Variants in TBC1D5 observed in about 807,000 individuals in gnomAD.
TBC1D5 encodes TBC1 domain family, member 5.
TBC1D5 carries 75 observed loss-of-function variants against 100.3 expected under a neutral mutation model. The ratio of observed to expected loss-of-function variants is 0.75; its 90% confidence interval spans 0.62 to 0.91. The LOEUF is 0.91. Ranked by LOEUF, TBC1D5 falls within the 40% of genes least tolerant of loss-of-function variation. The pLI, the probability that TBC1D5 is intolerant of heterozygous loss-of-function variation, is 0.00. For missense variants in TBC1D5, 910 were observed against 942.4 expected, an observed-to-expected ratio of 0.97 and a Z score of 0.45; for synonymous variants, 323 against 325.6, an observed-to-expected ratio of 0.99 and a Z score of 0.09.
chr3:17,734,161 CTAAG>C (rs1357146626), intron 1 of TBC1D5, among the ~76,000 whole-genome samples: 2 of 152,238 alleles, frequency 1.3e-5, no homozygotes, highest in Middle Eastern at 3.4e-3. Context: ...TGAAAGAAAT[CTAAG>C]TATCTAAAGA....
chr3:17,218,349 A>G (rs931180955), intron 17 of TBC1D5, among the ~76,000 whole-genome samples: 3 of 151,976 alleles, frequency 2.0e-5, no homozygotes, highest in African/African-American at 7.2e-5. Flanking sequence ...TCACTTTGCC[A>G]TTTTCTCCAA....
chr3:17,387,382 C>A (rs1409132081), intron 8 of TBC1D5, among the ~76,000 whole-genome samples: 1 of 118,458 alleles, frequency 8.4e-6, no homozygotes, highest in Non-Finnish European at 1.8e-5. Context: ...CTGAGAAATG[C>A]ATTTAGGTAA....
chr3:17,308,720 T>C (rs2083663170), intron 13 of TBC1D5, among the ~76,000 whole-genome samples: 1 of 152,194 alleles, frequency 6.6e-6, no homozygotes, highest in African/African-American at 2.4e-5. Flanking sequence ...ACTTATTTTT[T>C]TTAGCTTTGC....
intron 2 of TBC1D5, among the ~76,000 whole-genome samples, chr3:17,615,183 C>T (rs1412223902): frequency 6.6e-6 from 1 of 152,082 alleles, no homozygotes; most frequent in Non-Finnish European, 1.5e-5. Context: ...TGATGAATTA[C>T]TTTTATTGAC....
At chr3:17,217,084 T>C (rs999677394) in intron 17 of TBC1D5, among the ~76,000 whole-genome samples, 2 of 152,258 alleles carry the variant, frequency 1.3e-5, no homozygotes, top group East Asian at 3.9e-4. Flanking sequence ...TCTGGCTCTA[T>C]GAATTTGCCT....
At chr3:17,705,472 G>A (rs2073996593) in intron 1 of TBC1D5, among the ~76,000 whole-genome samples, 3 of 148,942 alleles carry the variant, frequency 2.0e-5, no homozygotes, top group South Asian at 4.4e-4. Context: ...TCGGGCGGAG[G>A]GGCTCCTCAC....
intron 4 of TBC1D5, among the ~76,000 whole-genome samples, chr3:17,411,944 C>A (rs539629658): frequency 6.6e-6 from 1 of 152,218 alleles, no homozygotes; most frequent in East Asian, 1.9e-4. Flanking sequence ...GCATAAAGGC[C>A]ACATAATAAT....
chr3:17,158,388 A>C (rs2065767466), exon 22 of TBC1D5: 1 of 152,236 alleles, frequency 6.6e-6, no homozygotes, highest in South Asian at 2.1e-4. Flanking sequence ...ATTAAACATA[A>C]GTATCTGATA....
chr3:17,242,086 T>G (rs192348006), intron 16 of TBC1D5, among the ~76,000 whole-genome samples: 247 of 152,320 alleles, frequency 1.6e-3, no homozygotes, highest in Non-Finnish European at 2.9e-3. Flanking sequence ...TCCTAGATTT[T>G]TATTGCCCAC....
chr3:17,405,821 A>G (rs2093756289), intron 5 of TBC1D5, among the ~76,000 whole-genome samples: 1 of 152,106 alleles, frequency 6.6e-6, no homozygotes, highest in Non-Finnish European at 1.5e-5. Context: ...TCTAGAAATG[A>G]GTCTAAACCT....
intron 8 of TBC1D5, among the ~76,000 whole-genome samples, chr3:17,391,359 G>A (rs2093345774): frequency 6.6e-6 from 1 of 151,984 alleles, no homozygotes; most frequent in Non-Finnish European, 1.5e-5. Flanking sequence ...GCCATCAAAC[G>A]TTTGCAGCTC....
At chr3:17,331,456 C>G (rs1462532326) in intron 13 of TBC1D5, among the ~76,000 whole-genome samples, 1 of 152,156 alleles carries the variant, frequency 6.6e-6, no homozygotes, top group African/African-American at 2.4e-5. Flanking sequence ...TATGTTCTTC[C>G]TCTTAATAGA....
intron 15 of TBC1D5, among the ~76,000 whole-genome samples, chr3:17,281,062 A>G (rs1328801102): frequency 6.6e-6 from 1 of 152,178 alleles, no homozygotes; most frequent in Non-Finnish European, 1.5e-5. Flanking sequence ...GCCGGTGCCA[A>G]AGCAGCCAGC....
chr3:17,523,792 G>A lies in TBC1D5; in HGVS notation c.-35-15187C>T, dbSNP rs988613953. Among the ~76,000 whole-genome samples the A allele has an allele frequency of 2.6e-5, 4 of 152,110 alleles. 1 individual carries two copies. Among genetic ancestry groups the A allele is most frequent in the Admixed American group, 2.6e-4 (4 of 15,278 alleles). ...AATGGCAGTGATATTGTCTCCTAGT[G>A]GACAAGATTGGTGCACAGAGTGGGT... On this transcript the variant is annotated intron_variant, in intron 2 of 21. Coordinates refer to ENST00000253692, the Ensembl canonical transcript of TBC1D5.
intron 13 of TBC1D5, among the ~76,000 whole-genome samples, chr3:17,309,415 G>A (rs987373198): frequency 4.0e-5 from 6 of 151,588 alleles, no homozygotes; most frequent in Admixed American, 1.3e-4. Context: ...TTTAAATGCC[G>A]AAGTATTGTT....
chr3:17,399,153 G>A (rs1340422755), intron 8 of TBC1D5, among the ~76,000 whole-genome samples: 1 of 152,048 alleles, frequency 6.6e-6, no homozygotes, highest in Non-Finnish European at 1.5e-5. Flanking sequence ...TTGTCTAAAA[G>A]GGAACTGGGT....
intron 18 of TBC1D5, among the ~76,000 whole-genome samples, chr3:17,198,137 G>C (rs2070965175): frequency 6.6e-6 from 1 of 152,188 alleles, no homozygotes; most frequent in Non-Finnish European, 1.5e-5. Context: ...TTGCAGAAAA[G>C]TTTTAGTCTA....
intron 2 of TBC1D5, 56 bp downstream of exon 2, chr3:17,623,793 G>A (rs2062856958): frequency 6.6e-6 from 1 of 152,130 alleles, no homozygotes; most frequent in Non-Finnish European, 1.5e-5. Context: ...TAAACCAACT[G>A]CTGTGTTGGG....
At chr3:17,177,998 T>TAATGACC (rs1219464808) in intron 19 of TBC1D5, among the ~76,000 whole-genome samples, 1 of 151,890 alleles carries the variant, frequency 6.6e-6, no homozygotes, top group Non-Finnish European at 1.5e-5. Flanking sequence ...TTATTTAATA[T>TAATGACC]AATGACCTCC....
Sources: gnomAD v4.1 joint callset for allele counts (sites outside exome capture counted in the v4.1 genomes callset) on GRCh38, gnomAD v4.1.1 for gene constraint, MANE v1.5 for transcripts, NCBI Gene and HGNC (gene_info 2026-07-23, HGNC 2026-07-21) for gene names.